STOX2: variants seen among roughly 807,000 people sequenced by gnomAD.
STOX2 encodes storkhead-box protein 2.
STOX2 carries 28 observed loss-of-function variants against 60.9 expected under a neutral mutation model. The observed-to-expected ratio is 0.46, with a 90% CI of 0.34 to 0.63. The LOEUF is 0.63. STOX2 is among the 30% of genes least tolerant of loss of function. The pLI, the probability that STOX2 is intolerant of heterozygous loss-of-function variation, is 0.01. For synonymous variants in STOX2, 472 were observed against 463.9 expected (o/e 1.02, Z -0.22); for missense variants, 1,024 against 1,187.7 (o/e 0.86, Z 2.03).
intron 1 of STOX2, among the ~76,000 whole-genome samples, chr4:183,981,809 G>A (rs765172272): frequency 6.6e-6 from 1 of 152,168 alleles, no homozygotes; most frequent in Admixed American, 6.5e-5. Context: ...AGTGGCTGAC[G>A]TCTGTAATCG....
intron 1 of STOX2, among the ~76,000 whole-genome samples, chr4:183,984,496 A>G (rs1732769490): frequency 2.0e-5 from 3 of 152,192 alleles, no homozygotes; most frequent in African/African-American, 7.2e-5. Context: ...TGTATACTCC[A>G]TATGTACACA....
Position 184,022,624 on chromosome 4 carries a change from C to T in STOX2, c.*5340C>T, listed in dbSNP as rs1734632760. On this transcript the variant is annotated 3_prime_UTR_variant, in exon 4 of 4. Transcript: ENST00000308497. ...AAGGTTGGAAATGTAAGGTTAGAAG[C>T]TTGGCTGGTCTTAGTAAACTTGTTC... 2 of 152,048 alleles carry T rather than the reference C, an allele frequency of 1.3e-5. No homozygotes were observed. 9.4% of individuals were successfully genotyped at this position (152,048 alleles called of 1,614,324 possible).
chr4:183,937,417 C>T (rs1271215517), intron 1 of STOX2, among the ~76,000 whole-genome samples: 3 of 152,132 alleles, frequency 2.0e-5, no homozygotes, highest in African/African-American at 2.4e-5. Context: ...CCCTTATTTC[C>T]GACGCTCAGG....
Position 183,826,902 on chromosome 4 carries a change from G to A in STOX2, c.364+28847G>A, listed in dbSNP as rs75787253. Among the ~76,000 whole-genome samples the A allele has an allele frequency of 6.3e-3, 959 of 152,362 alleles. 13 individuals are homozygous for A. The highest frequency in any genetic ancestry group is 0.022 in the African/African-American group (923 of 41,570). ...AGGCAATCATAATGCAAAAGGCAGT[G>A]ATAGTAGTAGCGGTAATGGTAATAA... On this transcript the variant is annotated intron_variant, in intron 1 of 2. Transcript: ENST00000513034.
chr4:183,948,356 C>G (rs1228700926), intron 1 of STOX2, among the ~76,000 whole-genome samples: 1 of 150,554 alleles, frequency 6.6e-6, no homozygotes. Flanking sequence ...ATTATTTGTC[C>G]TTAAACTGAT....
intron 1 of STOX2, among the ~76,000 whole-genome samples, chr4:183,855,874 G>A (rs908848732): frequency 6.6e-6 from 1 of 152,196 alleles, no homozygotes; most frequent in Non-Finnish European, 1.5e-5. Context: ...TCTTTTTGAA[G>A]TGACATTTGG....
Position 183,825,727 on chromosome 4 carries a change from G to A in STOX2, c.364+27672G>A, listed in dbSNP as rs1367616187. 6.7e-6 allele frequency among the ~76,000 whole-genome samples: 1 copy of A among 148,696 alleles called. No individual in the cohort carries two copies. Among genetic ancestry groups the A allele is most frequent in the East Asian group, 1.9e-4 (1 of 5,182 alleles). On this transcript the variant is annotated intron_variant, in intron 1 of 2. Coordinates refer to the STOX2 transcript ENST00000513034. The surrounding 1 kb of genome is among the most constrained non-coding windows in gnomAD (Gnocchi z 4.1). ...TAGACCTAGTGGAGCAGGAGTCAGG[G>A]TCAGCGAGGTGGCTGGGGCTGGACT... is the stretch of plus-strand genomic sequence containing the variant.
chr4:183,799,538 A>T (rs1490577797), intron 1 of STOX2, among the ~76,000 whole-genome samples: 2 of 152,232 alleles, frequency 1.3e-5, no homozygotes, highest in African/African-American at 2.4e-5. Context: ...TTTCAAATAT[A>T]TACAAAAGTA....
chr4:184,000,509 C>G (rs949015544), intron 1 of STOX2, among the ~76,000 whole-genome samples: 1 of 152,172 alleles, frequency 6.6e-6, no homozygotes, highest in African/African-American at 2.4e-5. Flanking sequence ...CCTTCCATGG[C>G]TCACCACCCC....
chr4:183,919,947 T>C (rs1742050551), intron 1 of STOX2, among the ~76,000 whole-genome samples: 2 of 152,094 alleles, frequency 1.3e-5, no homozygotes, highest in African/African-American at 4.8e-5. Flanking sequence ...TGTTGGTACC[T>C]GTGTAAGTGT....
intron 1 of STOX2, among the ~76,000 whole-genome samples, chr4:183,991,610 G>T (rs184089600): frequency 8.0e-4 from 122 of 152,040 alleles, no homozygotes; most frequent in Admixed American, 5.8e-3. Flanking sequence ...TGTGTTTTTC[G>T]TAGTGATGGG....
intron 1 of STOX2, among the ~76,000 whole-genome samples, chr4:183,867,760 A>C (rs1345770726): frequency 6.6e-6 from 1 of 152,210 alleles, no homozygotes; most frequent in Non-Finnish European, 1.5e-5. Context: ...TTGCTGCTCC[A>C]GGCTCTGTGC....
chr4:183,819,594 G>A (rs1243320365), intron 1 of STOX2, among the ~76,000 whole-genome samples: 2 of 111,062 alleles, frequency 1.8e-5, no homozygotes, highest in African/African-American at 7.2e-5. Flanking sequence ...GGGAGAGGGA[G>A]AGTGGGAGGG....
At chr4:183,823,403 A>G (rs1309838818) in intron 1 of STOX2, among the ~76,000 whole-genome samples, 4 of 152,208 alleles carry the variant, frequency 2.6e-5, no homozygotes, top group African/African-American at 9.6e-5. Flanking sequence ...TCTAAAAACA[A>G]AACAAAAAAC....
intron 1 of STOX2, among the ~76,000 whole-genome samples, chr4:183,941,167 G>A (rs1742743224): frequency 6.6e-6 from 1 of 152,202 alleles, no homozygotes; most frequent in African/African-American, 2.4e-5. Context: ...ACTGAATTAT[G>A]GATTCCATGT....
intron 1 of STOX2, among the ~76,000 whole-genome samples, chr4:183,922,993 T>G (rs1450281877): frequency 6.6e-6 from 1 of 152,260 alleles, no homozygotes; most frequent in East Asian, 1.9e-4. Context: ...CGTATTCCAT[T>G]GCCCACGTGT....
At chr4:183,801,555 CT>C (rs1297511043) in intron 1 of STOX2, among the ~76,000 whole-genome samples, 2 of 152,188 alleles carry the variant, frequency 1.3e-5, no homozygotes, top group Non-Finnish European at 2.9e-5. Flanking sequence ...GCAGTTACTT[CT>C]GTCTTGTGAG....
At chr4:183,965,558 A>G (rs1013356121) in intron 1 of STOX2, among the ~76,000 whole-genome samples, 4 of 152,210 alleles carry the variant, frequency 2.6e-5, no homozygotes, top group African/African-American at 7.2e-5. Context: ...CAGTTTTATC[A>G]TCTGTCCTTA....
chr4:183,960,058 G>C (rs1032017666), intron 1 of STOX2, among the ~76,000 whole-genome samples: 1 of 152,246 alleles, frequency 6.6e-6, no homozygotes, highest in Admixed American at 6.5e-5. Flanking sequence ...AGTGAGTGGT[G>C]AAAAGGAAAA....
Sources: allele counts gnomAD v4.1 joint callset (sites outside exome capture counted in the v4.1 genomes callset), GRCh38; gene constraint gnomAD v4.1.1; non-coding constraint Gnocchi (gnomAD v3.1); transcripts MANE v1.5; gene names NCBI Gene and HGNC (gene_info 2026-07-23, HGNC 2026-07-21).